PDGFC: variants seen among roughly 807,000 people sequenced by gnomAD.
PDGFC encodes platelet derived growth factor C.
In PDGFC, 12 loss-of-function variants were observed where a neutral mutation model predicts 35.5. The observed-to-expected ratio is 0.34, with a 90% CI of 0.22 to 0.55. The LOEUF is 0.55. Among genes scored for constraint, PDGFC ranks in the 20% least tolerant of loss-of-function variants. PDGFC has a pLI of 0.91. For synonymous variants in PDGFC, 159 were observed against 148.8 expected (o/e 1.07, Z -0.50); for missense variants, 322 against 412.4 (o/e 0.78, Z 1.90).
intron 3 of PDGFC, among the ~76,000 whole-genome samples, chr4:156,788,843 G>A (rs1428576248): frequency 6.6e-6 from 1 of 152,118 alleles, no homozygotes; most frequent in Non-Finnish European, 1.5e-5. Flanking sequence ...TCTGACTTCT[G>A]ATTATTTTGT....
Position 156,772,669 on chromosome 4 carries a change from C to G in PDGFC, c.703+17G>C. Reference sequence around the variant, plus strand: ...TAAGAAAATTAAATGAGGTTCTAATCTGAAGAGGGAGCTTACCTCTGGATT... The same window carrying G: ...TAAGAAAATTAAATGAGGTTCTAATGTGAAGAGGGAGCTTACCTCTGGATT... On this transcript the variant is annotated intron_variant, in intron 4 of 5. Transcript: ENST00000502773. 1 of 1,563,950 alleles carries G rather than the reference C, an allele frequency of 6.4e-7. No homozygotes were observed. Among genetic ancestry groups the G allele is most frequent in the Non-Finnish European group, 8.8e-7 (1 of 1,136,036 alleles).
At chr4:156,767,648 A>G in intron 5 of PDGFC, 125 bp downstream of exon 5, 1 of 635,064 alleles carries the variant, frequency 1.6e-6, no homozygotes, top group Non-Finnish European at 2.8e-6. Flanking sequence ...AACTATTTGT[A>G]GACCTCTTTT....
rs565561650 is a variant in PDGFC, at chr4:156,798,836, G to A, written c.495+12001C>T. Among the ~76,000 whole-genome samples the A allele has an allele frequency of 2.6e-5, 4 of 152,152 alleles. No homozygotes were observed. In the South Asian group the frequency reaches 8.3e-4, roughly 32 times the overall value. On this transcript the variant is annotated intron_variant, in intron 3 of 5. Transcript: ENST00000502773. ...ATTAACTTGTACCCAGCAGAAAAGT[G>A]CCCTTTTAAAATTCAACTCTATCAG... is the stretch of plus-strand genomic sequence containing the variant.
At chr4:156,870,315 T>G (rs1424695000) in intron 1 of PDGFC, among the ~76,000 whole-genome samples, 1 of 152,132 alleles carries the variant, frequency 6.6e-6, no homozygotes, top group Non-Finnish European at 1.5e-5. Flanking sequence ...CTTACCCATG[T>G]ATTGCCTCCA....
In PDGFC at chr4:156,939,271, A is replaced by G. The variant is rs74971599; in HGVS notation, c.118+31515T>C. Among the ~76,000 whole-genome samples the G allele has an allele frequency of 2.2e-3, 334 of 152,212 alleles. 2 individuals are homozygous for G. The highest frequency in any genetic ancestry group is 7.6e-3 in the African/African-American group (317 of 41,566). ...TTATATCTTTTTCTGATTATCTTACATTGTATTATACAATAATATGTGCAT... is the reference window on the plus strand; with the variant it reads ...TTATATCTTTTTCTGATTATCTTACGTTGTATTATACAATAATATGTGCAT... On this transcript the variant is annotated intron_variant, in intron 1 of 5. Coordinates refer to ENST00000502773, the MANE Select transcript of PDGFC (RefSeq NM_016205.3).
intron 2 of PDGFC, among the ~76,000 whole-genome samples, chr4:156,832,253 CT>C (rs542396769): frequency 0.043 from 5,186 of 121,102 alleles, 167 homozygotes; most frequent in African/African-American, 0.15. Flanking sequence ...TTCTTTCTTT[CT>C]TTTTTTTTTT....
chr4:156,790,303 G>T (rs1731259760), intron 3 of PDGFC, among the ~76,000 whole-genome samples: 1 of 152,116 alleles, frequency 6.6e-6, no homozygotes, highest in Admixed American at 6.5e-5. Flanking sequence ...TAGCTTCAAA[G>T]GAAAGATAAG....
chr4:156,918,886 A>G (rs1731209549), intron 1 of PDGFC, among the ~76,000 whole-genome samples: 2 of 152,166 alleles, frequency 1.3e-5, no homozygotes, highest in African/African-American at 2.4e-5. Flanking sequence ...TCCCAAAAAG[A>G]ACTTGCTTTG....
At chr4:156,969,246 C>A (rs1413996704) in intron 1 of PDGFC, among the ~76,000 whole-genome samples, 1 of 152,166 alleles carries the variant, frequency 6.6e-6, no homozygotes, top group East Asian at 1.9e-4. Context: ...TGAGAAAGAA[C>A]AAAGGTTGGT....
intron 1 of PDGFC, among the ~76,000 whole-genome samples, chr4:156,853,138 C>G (rs971602662): frequency 2.0e-5 from 3 of 152,216 alleles, no homozygotes; most frequent in Non-Finnish European, 4.4e-5. Context: ...CACCTTCTAT[C>G]GCACACAAAG....
At chr4:156,784,514 G>C (rs547279812) in intron 3 of PDGFC, among the ~76,000 whole-genome samples, 1 of 152,256 alleles carries the variant, frequency 6.6e-6, no homozygotes, top group South Asian at 2.1e-4. Context: ...AGGAAGAAAG[G>C]GGGCCGTTAA....
At chr4:156,941,943 A>G (rs1000148167) in intron 1 of PDGFC, among the ~76,000 whole-genome samples, 3 of 152,162 alleles carry the variant, frequency 2.0e-5, no homozygotes, top group Non-Finnish European at 4.4e-5. Context: ...GACGTTTTAC[A>G]TGAAAGTCTT....
chr4:156,815,323 T>TACACACAC (rs3042796), intron 2 of PDGFC, among the ~76,000 whole-genome samples: 14 of 144,996 alleles, frequency 9.7e-5, no homozygotes, highest in Admixed American at 2.1e-4. Flanking sequence ...AATAATTTTT[T>TACACACAC]ACACACACAC....
intron 2 of PDGFC, among the ~76,000 whole-genome samples, chr4:156,838,887 A>G (rs1729131220): frequency 6.6e-6 from 1 of 152,150 alleles, no homozygotes; most frequent in South Asian, 2.1e-4. Flanking sequence ...CAAAGTCCGG[A>G]GGAGTCAAAG....
intron 2 of PDGFC, among the ~76,000 whole-genome samples, chr4:156,846,618 G>T (rs1246075689): frequency 6.6e-6 from 1 of 151,596 alleles, no homozygotes; most frequent in African/African-American, 2.4e-5. Flanking sequence ...AAACATTTGG[G>T]GATGATGGGA....
chr4:156,771,210 G>GGCGTACATTT (rs1242672560), intron 4 of PDGFC, among the ~76,000 whole-genome samples: 1 of 152,152 alleles, frequency 6.6e-6, no homozygotes, highest in African/African-American at 2.4e-5. Flanking sequence ...TTGAGCACCA[G>GGCGTACATTT]GCGTACATTT....
intron 1 of PDGFC, among the ~76,000 whole-genome samples, chr4:156,866,935 AATC>A (rs1729858450): frequency 6.6e-6 from 1 of 152,110 alleles, no homozygotes; most frequent in African/African-American, 2.4e-5. Flanking sequence ...AATGCTCTGG[AATC>A]ATCATCACGT....
chr4:156,795,205 C>T lies in PDGFC; in HGVS notation c.495+15632G>A, dbSNP rs77940088. 3.1e-3 allele frequency among the ~76,000 whole-genome samples: 468 copies of T among 152,210 alleles called. 3 individuals are homozygous for T. The highest frequency in any genetic ancestry group is 0.025 in the East Asian group (129 of 5,186). On this transcript the variant is annotated intron_variant, in intron 3 of 5. Transcript: ENST00000502773. ...TAACCCAATTAAATATGAGTTATTG[C>T]TTCTTTGAAAATTTAGACGAATGCC...
chr4:156,935,501 A>C (rs909133076), intron 1 of PDGFC, among the ~76,000 whole-genome samples: 21 of 152,236 alleles, frequency 1.4e-4, no homozygotes, highest in Middle Eastern at 3.4e-3. Flanking sequence ...TGAGTAATAC[A>C]CTGCACTACA....
Sources: allele counts gnomAD v4.1 joint callset (sites outside exome capture counted in the v4.1 genomes callset), GRCh38; gene constraint gnomAD v4.1.1; transcripts MANE v1.5; gene names NCBI Gene and HGNC (gene_info 2026-07-23, HGNC 2026-07-21).